CDC42BPA: variants seen among roughly 807,000 people sequenced by gnomAD.
CDC42BPA encodes the protein serine/threonine-protein kinase MRCK alpha.
A neutral mutation model predicts 223.5 loss-of-function variants in CDC42BPA; 80 were observed. That is an observed-to-expected ratio of 0.36 (90% CI 0.30 to 0.43). The LOEUF is 0.43. Among genes scored for constraint, CDC42BPA ranks in the 20% least tolerant of loss-of-function variants. The probability of loss-of-function intolerance (pLI) is 1.00; values close to 1 mark genes in which losing one functional copy is unlikely to be tolerated. For missense variants in CDC42BPA, 1,743 were observed against 2,099.9 expected, an observed-to-expected ratio of 0.83 and a Z score of 3.32; for synonymous variants, 694 against 718.6, an observed-to-expected ratio of 0.97 and a Z score of 0.55.
At chr1:227,160,090 T>G (rs73086756) in intron 6 of CDC42BPA, among the ~76,000 whole-genome samples, 1 of 152,324 alleles carries the variant, frequency 6.6e-6, no homozygotes, top group East Asian at 1.9e-4. Flanking sequence ...TAAATCAACT[T>G]GTGAACTTTC....
At chr1:227,158,734 T>C (rs1021711439) in intron 6 of CDC42BPA, among the ~76,000 whole-genome samples, 3 of 152,320 alleles carry the variant, frequency 2.0e-5, no homozygotes, top group South Asian at 2.1e-4. Flanking sequence ...GCCTGGGAGA[T>C]CTGCTTGATC....
At chr1:227,079,860 G>GTT (rs142485049) in intron 17 of CDC42BPA, among the ~76,000 whole-genome samples, 6 of 149,432 alleles carry the variant, frequency 4.0e-5, no homozygotes, top group Admixed American at 1.3e-4. Flanking sequence ...TGGATTTCAG[G>GTT]TTTTTTTTTT....
chr1:227,269,873 G>GTT (rs1182319116), intron 1 of CDC42BPA, among the ~76,000 whole-genome samples: 1 of 152,142 alleles, frequency 6.6e-6, no homozygotes, highest in East Asian at 1.9e-4. Flanking sequence ...AATGTTAGAA[G>GTT]TTTAAACTGG....
At chr1:227,151,862 G>C (rs1317970517) in intron 6 of CDC42BPA, among the ~76,000 whole-genome samples, 1 of 122,962 alleles carries the variant, frequency 8.1e-6, no homozygotes, top group Non-Finnish European at 1.6e-5. Flanking sequence ...CTGGCCAAGA[G>C]GTCATAACCC....
At chr1:227,024,574 G>T in intron 31 of CDC42BPA, among the ~76,000 whole-genome samples, 1 of 152,132 alleles carries the variant, frequency 6.6e-6, no homozygotes, top group African/African-American at 2.4e-5. Context: ...GTAGTGCTAA[G>T]TTCACCCAAC....
chr1:227,264,180 A>C (rs907708838), intron 1 of CDC42BPA, among the ~76,000 whole-genome samples: 1 of 152,234 alleles, frequency 6.6e-6, no homozygotes, highest in African/African-American at 2.4e-5. Context: ...TTTCATCAGC[A>C]AACATTTGAG....
At chr1:227,118,875 T>A (rs2482454) in intron 12 of CDC42BPA, among the ~76,000 whole-genome samples, 1 of 152,002 alleles carries the variant, frequency 6.6e-6, no homozygotes, top group Non-Finnish European at 1.5e-5. Context: ...GCTTGAAACC[T>A]CATTAAGCAG....
intron 34 of CDC42BPA, among the ~76,000 whole-genome samples, chr1:227,008,536 G>A (rs1292457566): frequency 6.6e-6 from 1 of 152,156 alleles, no homozygotes; most frequent in Admixed American, 6.5e-5. Context: ...GTTCCCAGTT[G>A]CCATGCAATT....
chr1:227,239,258 C>G (rs1163283982), intron 2 of CDC42BPA, among the ~76,000 whole-genome samples: 2 of 151,994 alleles, frequency 1.3e-5, no homozygotes, highest in East Asian at 1.9e-4. Flanking sequence ...GGCCAGGGGT[C>G]AGTGGTGAGG....
intron 23 of CDC42BPA, among the ~76,000 whole-genome samples, chr1:227,046,009 C>A (rs1038655870): frequency 3.3e-5 from 5 of 152,030 alleles, no homozygotes; most frequent in African/African-American, 9.7e-5. Flanking sequence ...TTTTGCCATG[C>A]TGCCCAGGTA....
intron 5 of CDC42BPA, among the ~76,000 whole-genome samples, chr1:227,170,151 G>A (rs954812535): frequency 1.3e-5 from 2 of 152,030 alleles, no homozygotes; most frequent in African/African-American, 4.8e-5. Flanking sequence ...TGGCTATGAC[G>A]TCCAAGGCTA....
chr1:227,145,251 T>C (rs1005060720), intron 8 of CDC42BPA, among the ~76,000 whole-genome samples: 1 of 152,212 alleles, frequency 6.6e-6, no homozygotes, highest in African/African-American at 2.4e-5. Flanking sequence ...ATAACTTATC[T>C]AAGAGGTAAA....
chr1:227,100,162 C>T (rs2458520), intron 15 of CDC42BPA, among the ~76,000 whole-genome samples: 43,076 of 151,870 alleles, frequency 0.28, 6,322 homozygotes, highest in African/African-American at 0.35. Context: ...CTGCTTATTA[C>T]GTTCTCCAGG....
In CDC42BPA at chr1:226,994,377, G is replaced by A; in HGVS notation, c.5156C>T (p.Ser1719Phe). ...DGEDSDSPRH[S>F]TASNSSNLSS... is the part of the protein sequence containing the mutation. Reference sequence around the variant, plus strand: ...TAGGTTGGAACTGTTGGAAGCTGTGGAATGCCTCGGAGAGTCAGAGTCCTG... The same window carrying A: ...TAGGTTGGAACTGTTGGAAGCTGTGAAATGCCTCGGAGAGTCAGAGTCCTG... The change falls in exon 37 of 37, where the codon TCC becomes TTC. Residue 1719 changes from serine to phenylalanine, a missense_variant. Ser to Phe is a radical substitution (Grantham distance 155). This residue lies in a region of CDC42BPA where 200 missense variants were observed against 192.8 expected (regional missense o/e 1.04). Transcript: ENST00000366766. This position sits in a 1 kb window ranked among gnomAD's most constrained non-coding sequence, Gnocchi z 4.0. The A allele has an allele frequency of 6.3e-7, 1 of 1,575,928 alleles. No individual in the cohort carries two copies. Among genetic ancestry groups the A allele is most frequent in the Non-Finnish European group, 8.6e-7 (1 of 1,159,066 alleles).
At chr1:227,059,975 T>C (rs1675449703) in intron 21 of CDC42BPA, among the ~76,000 whole-genome samples, 1 of 150,934 alleles carries the variant, frequency 6.6e-6, no homozygotes, top group Admixed American at 6.6e-5. Context: ...TTTCTAACAT[T>C]AAAGAATTAA....
intron 15 of CDC42BPA, among the ~76,000 whole-genome samples, chr1:227,097,266 T>A (rs1197638445): frequency 6.6e-6 from 1 of 152,210 alleles, no homozygotes; most frequent in Non-Finnish European, 1.5e-5. Flanking sequence ...TTGATCCTAC[T>A]GTGGGGTCTC....
intron 19 of CDC42BPA, among the ~76,000 whole-genome samples, chr1:227,073,399 A>C (rs943246901): frequency 3.3e-5 from 5 of 152,152 alleles, no homozygotes; most frequent in Non-Finnish European, 7.4e-5. Context: ...AACATGAAAA[A>C]CAATAATTAT....
At chr1:227,263,693 T>C (rs1684496612) in intron 1 of CDC42BPA, among the ~76,000 whole-genome samples, 1 of 151,840 alleles carries the variant, frequency 6.6e-6, no homozygotes, top group South Asian at 2.1e-4. Context: ...GTGATTCTTC[T>C]GCCTCAGGCT....
In CDC42BPA at chr1:226,994,842, G is replaced by A. The variant is rs752323864; in HGVS notation, c.5114C>T (p.Ala1705Val). Residue 1705 changes from alanine (A) to valine (V), a missense_variant, in exon 36 of 37, where the codon GCG becomes GTG. Transcript: ENST00000366766. This position sits in a 1 kb window ranked among gnomAD's most constrained non-coding sequence, Gnocchi z 4.0. ...ACTCACCTCTCCGTCAAAGTCCCTC[G>A]CTGGGGCATCACTTCCTTGGTCCAT... ...GGMDQGSDAP[A>V]RDFDGEDSDS... 2.7e-5 allele frequency: 43 copies of A among 1,612,522 alleles called. No homozygotes were observed. The highest frequency in any genetic ancestry group is 5.3e-5 in the African/African-American group (4 of 74,850).
Sources: allele counts gnomAD v4.1 joint callset (sites outside exome capture counted in the v4.1 genomes callset), GRCh38; gene constraint gnomAD v4.1.1; regional missense constraint gnomAD v4.1.1; non-coding constraint Gnocchi (gnomAD v3.1); transcripts MANE v1.5; gene names NCBI Gene and HGNC (gene_info 2026-07-23, HGNC 2026-07-21).